Variants in IQCM observed in about 807,000 individuals in gnomAD.
IQCM encodes IQ motif containing M, also known as IQ domain-containing protein M.
A neutral mutation model predicts 57.6 loss-of-function variants in IQCM; 45 were observed. The ratio of observed to expected loss-of-function variants is 0.78; its 90% CI spans 0.62 to 1.00. The LOEUF (loss-of-function observed/expected upper bound fraction) is 1.00, where lower values mean the gene tolerates loss of function less well. Ranked by LOEUF, IQCM falls within the 50% of genes least tolerant of loss-of-function variation. IQCM has a pLI of 0.00. For synonymous variants in IQCM, 148 were observed against 158.9 expected, an observed-to-expected ratio of 0.93 and a Z score of 0.51; for missense variants, 468 against 511.6, an observed-to-expected ratio of 0.91 and a Z score of 0.82.
intron 10 of IQCM, among the ~76,000 whole-genome samples, chr4:149,555,390 A>C (rs1242826829): frequency 6.6e-6 from 1 of 152,184 alleles, no homozygotes; most frequent in African/African-American, 2.4e-5. Flanking sequence ...AACTTCATCC[A>C]TTATCTCCAC....
chr4:149,777,332 G>A (rs532041006), intron 2 of IQCM, among the ~76,000 whole-genome samples: 4 of 152,136 alleles, frequency 2.6e-5, no homozygotes, highest in Non-Finnish European at 4.4e-5. Flanking sequence ...GGGAAAAAAT[G>A]TCCATGATAA....
chr4:149,472,952 C>T (rs1254657367), intron 12 of IQCM, among the ~76,000 whole-genome samples: 3 of 152,150 alleles, frequency 2.0e-5, no homozygotes. Flanking sequence ...CCCTTCCTTA[C>T]ACCTTATACA....
intron 13 of IQCM, among the ~76,000 whole-genome samples, chr4:149,386,992 G>T (rs1465192580): frequency 6.6e-6 from 1 of 152,096 alleles, no homozygotes; most frequent in East Asian, 1.9e-4. Flanking sequence ...ATACCTGGTG[G>T]TCTACCCCTT....
intron 13 of IQCM, among the ~76,000 whole-genome samples, chr4:149,367,320 G>A (rs1729913006): frequency 6.6e-6 from 1 of 151,888 alleles, no homozygotes; most frequent in African/African-American, 2.4e-5. Flanking sequence ...TCAAAACAGA[G>A]GTAATTCACT....
At chr4:149,647,835 A>G (rs1362125052) in intron 7 of IQCM, among the ~76,000 whole-genome samples, 1 of 152,174 alleles carries the variant, frequency 6.6e-6, no homozygotes, top group Non-Finnish European at 1.5e-5. Context: ...GGCCTTTGCC[A>G]TATCCACAAG....
intron 12 of IQCM, among the ~76,000 whole-genome samples, chr4:149,536,610 T>C (rs894868704): frequency 7.2e-5 from 11 of 152,058 alleles, no homozygotes; most frequent in African/African-American, 2.7e-4. Flanking sequence ...CATGTAGTTA[T>C]ATGTTTGTAT....
At chr4:149,620,661 A>G (rs1370248868) in intron 8 of IQCM, among the ~76,000 whole-genome samples, 3 of 152,246 alleles carry the variant, frequency 2.0e-5, no homozygotes, top group African/African-American at 7.2e-5. Context: ...CTTTCAGATC[A>G]CAAGTTCTCA....
At chr4:149,568,194 G>T (rs752468947) in intron 9 of IQCM, among the ~76,000 whole-genome samples, 1 of 152,088 alleles carries the variant, frequency 6.6e-6, no homozygotes, top group African/African-American at 2.4e-5. Context: ...ACAGGAGACC[G>T]CTACTCCTTC....
At chr4:149,637,134 A>G (rs1757792159) in intron 7 of IQCM, among the ~76,000 whole-genome samples, 1 of 144,436 alleles carries the variant, frequency 6.9e-6, no homozygotes, top group Non-Finnish European at 1.5e-5. Context: ...TGGGCGACAG[A>G]GCGAGACTCC....
At chr4:149,616,411 G>T (rs377706525) in intron 8 of IQCM, among the ~76,000 whole-genome samples, 2 of 152,052 alleles carry the variant, frequency 1.3e-5, no homozygotes, top group East Asian at 3.9e-4. Flanking sequence ...AAAGTAGAAT[G>T]GTGGTTTCCA....
intron 13 of IQCM, among the ~76,000 whole-genome samples, chr4:149,364,364 A>G (rs944961295): frequency 7.2e-5 from 11 of 152,206 alleles, no homozygotes; most frequent in Admixed American, 5.2e-4. Context: ...TGGTATAAGG[A>G]GAGCTACTGA....
At position 149,433,491 on chromosome 4, in the gene IQCM, T is replaced by G. The variant is rs1735060901; in HGVS notation, c.1295A>C (p.Tyr432Ser). 2 of 1,211,756 alleles carry G rather than the reference T, an allele frequency of 1.7e-6. No homozygotes were observed. The highest frequency in any genetic ancestry group is 2.1e-6 in the Non-Finnish European group (2 of 969,888). The allele number at this position is 1,211,756 out of a possible 1,614,324, so 75.1% of individuals were successfully genotyped here. The stretch of plus-strand genomic sequence containing the variant: ...AGGCACATGTGCACCTTCAGGAGGA[T>G]AGAGTGTAAATAACATTTCAATTGC... ...SKAIEMLFTL[Y>S]PPEGAHVPDS... The change falls in exon 13 of 14, where the codon TAT (tyrosine) becomes TCT (serine). Residue 432 changes from tyrosine to serine, a missense_variant. Transcript: ENST00000636793.
chr4:149,545,586 G>C (rs1406648037), intron 12 of IQCM, among the ~76,000 whole-genome samples: 1 of 151,996 alleles, frequency 6.6e-6, no homozygotes, highest in Admixed American at 6.6e-5. Flanking sequence ...GTACATTGTT[G>C]GTAGAATATA....
At chr4:149,360,892 C>T (rs1327876172) in intron 13 of IQCM, among the ~76,000 whole-genome samples, 2 of 152,100 alleles carry the variant, frequency 1.3e-5, no homozygotes, top group East Asian at 1.9e-4. Context: ...CTGTGTAACA[C>T]GCAGAAGTTG....
chr4:149,564,605 C>A (rs1019487323), intron 9 of IQCM, among the ~76,000 whole-genome samples: 8 of 152,112 alleles, frequency 5.3e-5, no homozygotes, highest in African/African-American at 1.7e-4. Context: ...GCCAGTGCAG[C>A]TAGAATATAA....
chr4:149,544,846 A>G lies in IQCM; in HGVS notation c.1228+3609T>C, dbSNP rs370255547. On this transcript the variant is annotated intron_variant, in intron 12 of 13. Coordinates refer to ENST00000636793, the MANE Select transcript of IQCM (RefSeq NM_001363507.2). The stretch of plus-strand genomic sequence containing the variant: ...TTGGGCAAACTTGATGACCACATGC[A>G]AAAGAATAAAATCGGACGTTTATTT... 3.9e-5 allele frequency among the ~76,000 whole-genome samples: 6 copies of G among 152,322 alleles called. No homozygotes were observed. The East Asian group carries it at 9.6e-4, about 24-fold the overall frequency.
At chr4:149,796,785 A>C (rs79746020) in intron 2 of IQCM, among the ~76,000 whole-genome samples, 3,344 of 152,190 alleles carry the variant, frequency 0.022, 65 homozygotes, top group South Asian at 0.036. Flanking sequence ...TAATGCAAAA[A>C]ATTCTCCCAG....
chr4:149,645,288 C>A (rs1360045758), intron 7 of IQCM, among the ~76,000 whole-genome samples: 1 of 152,110 alleles, frequency 6.6e-6, no homozygotes, highest in Admixed American at 6.5e-5. Context: ...TTTAATGTAA[C>A]TTAATCAGTT....
At chr4:149,508,117 T>C (rs1447771085) in intron 12 of IQCM, among the ~76,000 whole-genome samples, 3 of 151,510 alleles carry the variant, frequency 2.0e-5, no homozygotes, top group Admixed American at 2.0e-4. Flanking sequence ...CAAAGATATA[T>C]GGAAATGCCT....
Sources: allele counts gnomAD v4.1 joint callset (sites outside exome capture counted in the v4.1 genomes callset), GRCh38; gene constraint gnomAD v4.1.1; transcripts MANE v1.5; gene names NCBI Gene and HGNC (gene_info 2026-07-23, HGNC 2026-07-21).